DISP1: variants seen among roughly 807,000 people sequenced by gnomAD.
DISP1 encodes protein dispatched homolog 1.
Under a neutral mutation model 37.3 loss-of-function variants are expected in DISP1, and 30 were observed. That is an observed-to-expected ratio of 0.80 (90% CI 0.60 to 1.09). The LOEUF is 1.09. Ranked by LOEUF, DISP1 falls within the 50% of genes least tolerant of loss-of-function variation. DISP1 has a pLI of 0.00. For missense variants in DISP1, 1,598 were observed against 1,879.5 expected (o/e 0.85, Z 2.77); for synonymous variants, 634 against 690.2 (o/e 0.92, Z 1.28).
At chr1:222,952,367 C>G (rs759640201) in intron 3 of DISP1, among the ~76,000 whole-genome samples, 33 of 152,144 alleles carry the variant, frequency 2.2e-4, no homozygotes, top group Admixed American at 2.0e-4. Flanking sequence ...TTTCTTGGCT[C>G]TGTTAAAACA....
At chr1:222,983,243 C>G in intron 4 of DISP1, 134 bp downstream of exon 4, 1 of 761,836 alleles carries the variant, frequency 1.3e-6, no homozygotes, top group Non-Finnish European at 2.3e-6. Context: ...AGAAATGTCC[C>G]ATGAGTTGGC....
chr1:222,964,523 G>T (rs1467816456), intron 3 of DISP1, among the ~76,000 whole-genome samples: 3 of 152,120 alleles, frequency 2.0e-5, no homozygotes, highest in Non-Finnish European at 2.9e-5. Flanking sequence ...TACGTAGCAG[G>T]TGCTGTGCAG....
intron 1 of DISP1, among the ~76,000 whole-genome samples, chr1:222,884,338 A>G (rs1373864145): frequency 6.6e-6 from 1 of 152,152 alleles, no homozygotes; most frequent in African/African-American, 2.4e-5. Context: ...ATTAATTTCA[A>G]TTTTGCCAGT....
intron 3 of DISP1, among the ~76,000 whole-genome samples, chr1:222,950,880 G>A (rs1365309045): frequency 6.6e-6 from 1 of 152,204 alleles, no homozygotes; most frequent in Non-Finnish European, 1.5e-5. Flanking sequence ...TCCAAAAATA[G>A]CACACTAGAG....
chr1:222,890,688 G>A (rs1054652677), intron 1 of DISP1, among the ~76,000 whole-genome samples: 9 of 152,092 alleles, frequency 5.9e-5, no homozygotes, highest in African/African-American at 1.9e-4. Context: ...GAAATGTATT[G>A]TCTCTCAGTT....
chr1:222,911,303 G>A (rs141051234), intron 1 of DISP1, among the ~76,000 whole-genome samples: 62 of 152,264 alleles, frequency 4.1e-4, no homozygotes, highest in African/African-American at 1.4e-3. Context: ...AGAATCTTCT[G>A]TAAACCAGAG....
intron 8 of DISP1, among the ~76,000 whole-genome samples, chr1:222,995,811 A>G (rs934902168): frequency 1.3e-5 from 2 of 152,210 alleles, no homozygotes; most frequent in African/African-American, 4.8e-5. Context: ...TAAAAAATCG[A>G]ATCATGTGCC....
chr1:222,861,072 G>C (rs1442182817), intron 1 of DISP1, among the ~76,000 whole-genome samples: 3 of 152,146 alleles, frequency 2.0e-5, no homozygotes, highest in African/African-American at 7.2e-5. Context: ...CAATGAACCA[G>C]AATATGGCTA....
intron 3 of DISP1, among the ~76,000 whole-genome samples, chr1:222,956,683 C>T (rs1417227689): frequency 1.3e-5 from 2 of 152,030 alleles, no homozygotes; most frequent in Non-Finnish European, 1.5e-5. Context: ...GCTTAAAATT[C>T]TCACTGAGCA....
At chr1:222,953,317 GT>G (rs1675363551) in intron 3 of DISP1, among the ~76,000 whole-genome samples, 1 of 151,954 alleles carries the variant, frequency 6.6e-6, no homozygotes. Flanking sequence ...TTTTGTTGTT[GT>G]TTTTGTTATT....
intron 1 of DISP1, among the ~76,000 whole-genome samples, chr1:222,843,468 GCT>G (rs1168946446): frequency 2.0e-5 from 3 of 151,182 alleles, no homozygotes; most frequent in Non-Finnish European, 4.4e-5. Context: ...GTATGGTATG[GCT>G]CGTAAAAATT....
chr1:222,909,867 A>C (rs1672115582), intron 1 of DISP1, among the ~76,000 whole-genome samples: 1 of 152,182 alleles, frequency 6.6e-6, no homozygotes, highest in Admixed American at 6.5e-5. Context: ...GATGGAAGCC[A>C]GGAGAATCCT....
At chr1:222,855,263 C>T (rs1668485877) in intron 1 of DISP1, among the ~76,000 whole-genome samples, 1 of 152,142 alleles carries the variant, frequency 6.6e-6, no homozygotes, top group South Asian at 2.1e-4. Flanking sequence ...CTCACACAAA[C>T]CTTTTTGTAG....
intron 1 of DISP1, among the ~76,000 whole-genome samples, chr1:222,870,379 T>G (rs986398013): frequency 6.6e-6 from 1 of 152,242 alleles, no homozygotes; most frequent in East Asian, 1.9e-4. Context: ...ACTTCCACAA[T>G]GGTTGAACTA....
At chr1:222,936,831 AAT>A (rs1340120572) in intron 2 of DISP1, among the ~76,000 whole-genome samples, 1 of 23,112 alleles carries the variant, frequency 4.3e-5, no homozygotes, top group Admixed American at 6.0e-4. Flanking sequence ...AATATATATA[AAT>A]TATATATATC....
chr1:222,858,281 G>A (rs1668661567), intron 1 of DISP1, among the ~76,000 whole-genome samples: 1 of 152,106 alleles, frequency 6.6e-6, no homozygotes, highest in Admixed American at 6.5e-5. Context: ...TTCATATGCA[G>A]AAAATTGAAA....
chr1:222,987,510 A>C (rs754919927), intron 4 of DISP1, among the ~76,000 whole-genome samples: 2 of 152,372 alleles, frequency 1.3e-5, no homozygotes, highest in East Asian at 3.9e-4. Context: ...CTAATGCCAT[A>C]AAGTTTCCAT....
chr1:222,923,330 G>T (rs924179159), intron 1 of DISP1, among the ~76,000 whole-genome samples: 2 of 152,136 alleles, frequency 1.3e-5, no homozygotes, highest in Non-Finnish European at 2.9e-5. Flanking sequence ...AACTGCATAT[G>T]ACTCTTGAGC....
At chr1:222,825,152 G>A (rs534910532) in intron 1 of DISP1, among the ~76,000 whole-genome samples, 4 of 150,744 alleles carry the variant, frequency 2.7e-5, no homozygotes, top group Admixed American at 6.6e-5. Flanking sequence ...TGGGGAATGT[G>A]GGGGGGCAGT....
Sources: allele counts gnomAD v4.1 joint callset (sites outside exome capture counted in the v4.1 genomes callset), GRCh38; gene constraint gnomAD v4.1.1; transcripts MANE v1.5; gene names NCBI Gene and HGNC (gene_info 2026-07-23, HGNC 2026-07-21).